ZC2HC1B: variants seen among roughly 807,000 people sequenced by gnomAD.
The protein encoded by ZC2HC1B is zinc finger C2HC-type containing 1B.
Under a neutral mutation model 31.0 loss-of-function variants are expected in ZC2HC1B, and 36 were observed. The observed-to-expected ratio is 1.16, with a 90% CI of 0.89 to 1.54. The LOEUF (loss-of-function observed/expected upper bound fraction) is 1.54. Among genes scored for constraint, ZC2HC1B ranks in the 40% most tolerant of loss-of-function variants. ZC2HC1B has a pLI of 0.00. For synonymous variants in ZC2HC1B, 73 were observed against 88.0 expected (o/e 0.83, Z 0.95); for missense variants, 260 against 268.6 (o/e 0.97, Z 0.22).
Position 143,886,918 on chromosome 6 carries a change from A to C in ZC2HC1B, c.349+97A>C. On this transcript the variant is annotated intron_variant, in intron 4 of 7. Transcript: ENST00000237275. The surrounding 1 kb of genome is among the most constrained non-coding windows in gnomAD (Gnocchi z 4.2). ...CTCTGAAATTGACAATAACAATTAC[A>C]TAGAAGTAATTTTATTAATTATATA... is the stretch of plus-strand genomic sequence containing the variant. 11 of 1,111,698 alleles carry C rather than the reference A, an allele frequency of 9.9e-6. No homozygotes were observed. Among genetic ancestry groups the C allele is most frequent in the Middle Eastern group, 4.3e-4 (2 of 4,678 alleles). The allele number at this position is 1,111,698 out of a possible 1,614,324, so 68.9% of individuals were successfully genotyped here.
Position 143,924,164 on chromosome 6 carries a change from T to C in ZC2HC1B, c.599-13485T>C, listed in dbSNP as rs188986850. On this transcript the variant is annotated intron_variant, in intron 6 of 7. Coordinates refer to ENST00000237275, the MANE Select transcript of ZC2HC1B (RefSeq NM_001013623.3). The surrounding 1 kb of genome is among the most constrained non-coding windows in gnomAD (Gnocchi z 5.2). The stretch of plus-strand genomic sequence containing the variant: ...TTTTCCTCGTAAGCGTCTTTCACTT[T>C]CTTGGTTTAATTTATTCCTAAGTAT... Among the ~76,000 whole-genome samples the C allele has an allele frequency of 3.3e-5, 5 of 152,162 alleles. No individual in the cohort carries two copies. The highest frequency in any genetic ancestry group is 6.5e-5 in the Admixed American group (1 of 15,290).
chr6:143,873,504 T>C (rs1777369336), intron 1 of ZC2HC1B, among the ~76,000 whole-genome samples: 1 of 152,234 alleles, frequency 6.6e-6, no homozygotes, highest in Non-Finnish European at 1.5e-5. Flanking sequence ...CCTTCCTCAC[T>C]GCCCTAGCAG....
Position 143,886,817 on chromosome 6 carries a change from C to A in ZC2HC1B, c.345C>A (p.Asn115Lys), listed in dbSNP as rs1401202130. ...PLPPPPPPSLNPDYIQRPYCM... is the reference protein window; with the variant it reads ...PLPPPPPPSLKPDYIQRPYCM... ...CACCTCCACCCCCTCCATCCTTGAACCCAGGTGTGTAGACATTTTGGGTTG... is the reference window on the plus strand; with the variant it reads ...CACCTCCACCCCCTCCATCCTTGAAACCAGGTGTGTAGACATTTTGGGTTG... Residue 115 changes from asparagine (N) to lysine (K), a missense_variant, in exon 4 of 8, where the codon AAC (asparagine) becomes AAA (lysine). Transcript: ENST00000237275. The surrounding 1 kb of genome is among the most constrained non-coding windows in gnomAD (Gnocchi z 4.2). 6.6e-7 allele frequency: 1 copy of A among 1,526,238 alleles called. No homozygotes were observed. Among genetic ancestry groups the A allele is most frequent in the East Asian group, 2.6e-5 (1 of 39,094 alleles). The allele number at this position is 1,526,238 out of a possible 1,614,324, so 94.5% of individuals were successfully genotyped here. A position where few individuals can be genotyped will look rare whatever the true frequency, so the allele number is the denominator to read the frequency against.
At chr6:143,937,542 G>T in intron 6 of ZC2HC1B, 107 bp from the exon 7 acceptor site, 25 of 669,750 alleles carry the variant, frequency 3.7e-5, no homozygotes, top group Non-Finnish European at 5.0e-5. Context: ...CCAAAAAAAA[G>T]GAAGAATAGA....
rs1777708750 is a variant in ZC2HC1B, at chr6:143,899,484, T to A, written c.489+793T>A. Among the ~76,000 whole-genome samples, 2 of 152,180 alleles carry A rather than the reference T, an allele frequency of 1.3e-5. No homozygotes were observed. On this transcript the variant is annotated intron_variant, in intron 5 of 7. Coordinates refer to ENST00000237275, the MANE Select transcript of ZC2HC1B (RefSeq NM_001013623.3). The surrounding 1 kb of genome is among the most constrained non-coding windows in gnomAD (Gnocchi z 5.0). The stretch of plus-strand genomic sequence containing the variant: ...TTGACCTCCCAGGTGCAGGTGATAC[T>A]CCCACCTCGGCCTCCTGAGTAGCTG...
intron 1 of ZC2HC1B, among the ~76,000 whole-genome samples, chr6:143,874,045 T>C (rs9496789): frequency 0.047 from 7,222 of 152,286 alleles, 446 homozygotes; most frequent in African/African-American, 0.14. Flanking sequence ...AAATGGAATA[T>C]TTTTAACAGC....
Position 143,875,818 on chromosome 6 carries a change from C to T in ZC2HC1B, c.29-8486C>T, listed in dbSNP as rs1361722252. ...GGGAGGCCATCACTGTTGCCTCAGG[C>T]AGCACAGGGTTTATCTCCTCAGACA... On this transcript the variant is annotated intron_variant, in intron 1 of 7. Transcript: ENST00000237275. 1.3e-5 allele frequency among the ~76,000 whole-genome samples: 2 copies of T among 150,470 alleles called. 1 individual carries two copies. Among genetic ancestry groups the T allele is most frequent in the Non-Finnish European group, 3.0e-5 (2 of 67,600 alleles).
chr6:143,888,568 T>C (rs548630026), intron 4 of ZC2HC1B, among the ~76,000 whole-genome samples: 1 of 152,178 alleles, frequency 6.6e-6, no homozygotes, highest in East Asian at 1.9e-4. Context: ...TTAATTTCTT[T>C]TAGCAAAATA....
At chr6:143,916,468 G>A (rs1777917671) in intron 6 of ZC2HC1B, among the ~76,000 whole-genome samples, 1 of 152,186 alleles carries the variant, frequency 6.6e-6, no homozygotes, top group African/African-American at 2.4e-5. Context: ...GTGAGAAGAG[G>A]GCTGGCTGCC....
rs1777498445 is a variant in ZC2HC1B at position 143,883,749 on chromosome 6, T to C, written c.29-555T>C. Reference sequence around the variant, plus strand: ...TGGTCCCATGTATGATTTCTCCCAATATTTCCACAGAATTGCATATAGCCA... The same window carrying C: ...TGGTCCCATGTATGATTTCTCCCAACATTTCCACAGAATTGCATATAGCCA... On this transcript the variant is annotated intron_variant, in intron 1 of 7. Coordinates refer to ENST00000237275, the MANE Select transcript of ZC2HC1B (RefSeq NM_001013623.3). The surrounding 1 kb of genome is among the most constrained non-coding windows in gnomAD (Gnocchi z 4.1). 6.6e-6 allele frequency among the ~76,000 whole-genome samples: 1 copy of C among 152,244 alleles called. No homozygotes were observed. Among genetic ancestry groups the C allele is most frequent in the African/African-American group, 2.4e-5 (1 of 41,464 alleles).
chr6:143,868,928 T>A lies in ZC2HC1B; in HGVS notation c.28+4361T>A, dbSNP rs1271243516. Among the ~76,000 whole-genome samples, 1 of 152,188 alleles carries A rather than the reference T, an allele frequency of 6.6e-6. No homozygotes were observed. On this transcript the variant is annotated intron_variant, in intron 1 of 7. Coordinates refer to ENST00000237275, the MANE Select transcript of ZC2HC1B (RefSeq NM_001013623.3). This position sits in a 1 kb window ranked among gnomAD's most constrained non-coding sequence, Gnocchi z 4.2. Reference sequence around the variant, plus strand: ...AATGAAGATATCTTCTTAGTACACGTGTGTACATGCACAAACATGTTTTTA... The same window carrying A: ...AATGAAGATATCTTCTTAGTACACGAGTGTACATGCACAAACATGTTTTTA...
intron 4 of ZC2HC1B, among the ~76,000 whole-genome samples, chr6:143,894,660 G>C (rs912849036): frequency 7.9e-5 from 12 of 152,170 alleles, no homozygotes; most frequent in African/African-American, 2.9e-4. Flanking sequence ...AAGATATTCA[G>C]TAGAAAGATC....
rs1014107789 is a variant in ZC2HC1B at position 143,865,514 on chromosome 6, C to T, written c.28+947C>T. On this transcript the variant is annotated intron_variant, in intron 1 of 7. Transcript: ENST00000237275. This position sits in a 1 kb window ranked among gnomAD's most constrained non-coding sequence, Gnocchi z 4.4. The stretch of plus-strand genomic sequence containing the variant: ...TCCCTCCCCTGCATCCTTGACCCTC[C>T]TTCCCTGGTTTATGTTCTCCACAAC... 2.0e-5 allele frequency among the ~76,000 whole-genome samples: 3 copies of T among 152,180 alleles called. No homozygotes were observed. The highest frequency in any genetic ancestry group is 2.0e-4 in the Admixed American group (3 of 15,284).
intron 4 of ZC2HC1B, among the ~76,000 whole-genome samples, chr6:143,894,694 G>A (rs1035576073): frequency 6.6e-6 from 1 of 152,168 alleles, no homozygotes; most frequent in Non-Finnish European, 1.5e-5. Context: ...TAGTAATAAT[G>A]TAAGTACTTT....
intron 1 of ZC2HC1B, among the ~76,000 whole-genome samples, chr6:143,879,925 A>G (rs1777449439): frequency 6.7e-6 from 1 of 149,672 alleles, no homozygotes; most frequent in African/African-American, 2.5e-5. Flanking sequence ...CCTGGACTCA[A>G]GTGATTCTTT....
chr6:143,928,268 CTT>C (rs1778074378), intron 6 of ZC2HC1B, among the ~76,000 whole-genome samples: 1 of 152,106 alleles, frequency 6.6e-6, no homozygotes, highest in Admixed American at 6.6e-5. Context: ...ACATTTCAGT[CTT>C]TAACTCATCT....
chr6:143,936,119 C>T (rs964728607), intron 6 of ZC2HC1B, among the ~76,000 whole-genome samples: 1 of 152,146 alleles, frequency 6.6e-6, no homozygotes, highest in African/African-American at 2.4e-5. Context: ...TTTTAAAATT[C>T]ATACCAGAGG....
intron 6 of ZC2HC1B, among the ~76,000 whole-genome samples, chr6:143,929,870 G>C (rs554211835): frequency 6.6e-6 from 1 of 152,266 alleles, no homozygotes; most frequent in African/African-American, 2.4e-5. Context: ...TTTCCAGTTT[G>C]TGAGCATATA....
chr6:143,925,536 CTTTTT>C lies in ZC2HC1B; in HGVS notation c.599-12100_599-12096del, dbSNP rs36007959. Among the ~76,000 whole-genome samples the C allele has an allele frequency of 3.1e-4, 32 of 104,916 alleles. 1 individual carries two copies. Among genetic ancestry groups the C allele is most frequent in the Middle Eastern group, 0.011 (2 of 190 alleles). 68.8% of individuals were successfully genotyped at this position (104,916 alleles called of 152,430 possible). A position where few individuals can be genotyped will look rare whatever the true frequency, so the allele number is the denominator to read the frequency against. On this transcript the variant is annotated intron_variant, in intron 6 of 7. Transcript: ENST00000237275. ...TCTTCCTTATTCATTCTTTTCTTTT[CTTTTT>C]TTTTTTTTTTTTGAGACGGAGTTTC... is the stretch of plus-strand genomic sequence containing the variant.
Sources: gnomAD v4.1 joint callset for allele counts (sites outside exome capture counted in the v4.1 genomes callset) on GRCh38, gnomAD v4.1.1 for gene constraint, Gnocchi (gnomAD v3.1) non-coding constraint, MANE v1.5 for transcripts, NCBI Gene and HGNC (gene_info 2026-07-23, HGNC 2026-07-21) for gene names.